CNNM2: variants seen among roughly 807,000 people sequenced by gnomAD.
CNNM2 encodes metal transporter CNNM2.
Under a neutral mutation model 66.9 loss-of-function variants are expected in CNNM2, and 12 were observed. The ratio of observed to expected loss-of-function variants is 0.18; its 90% CI spans 0.11 to 0.29. The LOEUF is 0.29. CNNM2 is among the 10% of genes least tolerant of loss of function. The pLI is 1.00. For synonymous variants in CNNM2, 557 were observed against 501.8 expected (o/e 1.11, Z -1.47); for missense variants, 705 against 1,167.7 (o/e 0.60, Z 5.77).
intron 1 of CNNM2, among the ~76,000 whole-genome samples, chr10:102,999,645 C>G (rs1845963935): frequency 6.6e-6 from 1 of 151,976 alleles, no homozygotes; most frequent in Admixed American, 6.6e-5. Context: ...ATCCAGGCTG[C>G]CCTTCCCCCC....
At chr10:103,000,619 C>T (rs2064101042) in intron 1 of CNNM2, among the ~76,000 whole-genome samples, 2 of 151,916 alleles carry the variant, frequency 1.3e-5, no homozygotes, top group Admixed American at 6.6e-5. Context: ...ACACCTGGCT[C>T]ATTTTTAGTA....
chr10:103,089,930 G>A lies in CNNM2; in HGVS notation c.*12750G>A, dbSNP rs545372260. The A allele has an allele frequency of 5.9e-5, 92 of 1,559,682 alleles. No individual in the cohort carries two copies. The highest frequency in any genetic ancestry group is 7.7e-5 in the Non-Finnish European group (89 of 1,151,946). ...GCATCTAGACAGAAAAAAGCTAGAG[G>A]CTCAGAAAGCAGGCAGAGCAAAGTA... On this transcript the variant is annotated 3_prime_UTR_variant, in exon 8 of 8. Transcript: ENST00000369878.
intron 1 of CNNM2, among the ~76,000 whole-genome samples, chr10:102,945,845 G>A (rs914995337): frequency 6.6e-6 from 1 of 151,818 alleles, no homozygotes; most frequent in African/African-American, 2.4e-5. Flanking sequence ...CTTCTCGCAG[G>A]ATGATGAGCT....
At chr10:102,967,970 T>C (rs2063490891) in intron 1 of CNNM2, among the ~76,000 whole-genome samples, 1 of 152,232 alleles carries the variant, frequency 6.6e-6, no homozygotes, top group Non-Finnish European at 1.5e-5. Context: ...ATTGTGTCAC[T>C]GTGCTCCAGC....
Position 103,054,614 on chromosome 10 carries a change from G to T in CNNM2, c.1903+148G>T, listed in dbSNP as rs1590470693. The T allele has an allele frequency of 2.7e-6, 2 of 739,662 alleles. No homozygotes were observed. Among genetic ancestry groups the T allele is most frequent in the Non-Finnish European group, 4.1e-6 (2 of 483,240 alleles). The allele number at this position is 739,662 out of a possible 1,614,324, so 45.8% of individuals were successfully genotyped here. On this transcript the variant is annotated intron_variant, in intron 3 of 7. Transcript: ENST00000369878. The surrounding 1 kb of genome is among the most constrained non-coding windows in gnomAD (Gnocchi z 5.2). ...TGTGTTTTGTTTTTTTTGTTTTTTT[G>T]TTTTGTTTTGTTTTTTTCTTTTTAA...
At chr10:102,937,786 C>CT (rs5787477) in intron 1 of CNNM2, among the ~76,000 whole-genome samples, 18 of 148,966 alleles carry the variant, frequency 1.2e-4, no homozygotes, top group African/African-American at 1.7e-4. Flanking sequence ...ATACAGAAAC[C>CT]TTTTTTTTTT....
At position 103,063,977 on chromosome 10, in the gene CNNM2, C is replaced by T. The variant is rs117519008; in HGVS notation, c.2074-4652C>T. ...TGAATGTTTTTTGGAACCACTAACA[C>T]GTAAATGAATAAGATACGTTTACTG... On this transcript the variant is annotated intron_variant, in intron 4 of 7. Coordinates refer to ENST00000369878, the MANE Select transcript of CNNM2 (RefSeq NM_017649.5). Among the ~76,000 whole-genome samples, 8 of 152,246 alleles carry T rather than the reference C, an allele frequency of 5.3e-5. No individual in the cohort carries two copies. The South Asian group carries it at 8.3e-4, about 16-fold the overall frequency.
intron 1 of CNNM2, among the ~76,000 whole-genome samples, chr10:102,988,233 C>T (rs1008863295): frequency 3.4e-4 from 52 of 152,082 alleles, no homozygotes; most frequent in Middle Eastern, 3.4e-3. Context: ...ACCTGGGAGG[C>T]GGAGGTTGCA....
chr10:102,975,866 G>A (rs1447661088), intron 1 of CNNM2, among the ~76,000 whole-genome samples: 1 of 152,100 alleles, frequency 6.6e-6, no homozygotes, highest in East Asian at 1.9e-4. Context: ...TCTGGAATTT[G>A]GCCCCAGCTT....
intron 1 of CNNM2, among the ~76,000 whole-genome samples, chr10:103,034,187 T>C (rs761196568): frequency 4.6e-5 from 7 of 152,026 alleles, no homozygotes; most frequent in Non-Finnish European, 1.0e-4. Context: ...CTATGTAATA[T>C]ATGTTTACTA....
chr10:103,020,682 T>C (rs542061008), intron 1 of CNNM2, among the ~76,000 whole-genome samples: 1 of 152,114 alleles, frequency 6.6e-6, no homozygotes, highest in African/African-American at 2.4e-5. Context: ...TTAAGACAGG[T>C]TGTGGTGTGG....
At chr10:103,048,561 T>C (rs978193219) in intron 1 of CNNM2, among the ~76,000 whole-genome samples, 4 of 143,034 alleles carry the variant, frequency 2.8e-5, no homozygotes, top group Non-Finnish European at 1.6e-5. Flanking sequence ...TCATTGGCAG[T>C]CCACACTGCC....
chr10:102,921,351 C>G (rs1458478580), intron 1 of CNNM2, among the ~76,000 whole-genome samples: 4 of 152,070 alleles, frequency 2.6e-5, no homozygotes, highest in Non-Finnish European at 5.9e-5. Context: ...GTGATATGTA[C>G]CTGGTGACAG....
chr10:103,020,761 A>C (rs979647569), intron 1 of CNNM2, among the ~76,000 whole-genome samples: 2 of 151,504 alleles, frequency 1.3e-5, no homozygotes, highest in Non-Finnish European at 2.9e-5. Context: ...TGACAGTAGA[A>C]TGAATGAAAG....
At chr10:102,976,748 G>A (rs1191635285) in intron 1 of CNNM2, among the ~76,000 whole-genome samples, 2 of 150,800 alleles carry the variant, frequency 1.3e-5, no homozygotes, top group Admixed American at 6.6e-5. Flanking sequence ...GATTACAGGC[G>A]TGAGCCACTG....
Position 102,918,837 on chromosome 10 carries a change from C to T in CNNM2, c.357C>T (p.Ala119=). ...ATAACGAGACGTGGTCCCGCATCGC[C>T]TTCACCGAGCACGAGCGGCGGCGCC... ...NINNETWSRI[A]FTEHERRRHS... The change falls in exon 1 of 8, where the codon GCC becomes GCT. Residue 119 remains alanine (A), a synonymous_variant. Coordinates refer to ENST00000369878, the MANE Select transcript of CNNM2 (RefSeq NM_017649.5). The surrounding 1 kb of genome is among the most constrained non-coding windows in gnomAD (Gnocchi z 4.1). The T allele has an allele frequency of 1.3e-6, 2 of 1,589,030 alleles. No individual in the cohort carries two copies. Among genetic ancestry groups the T allele is most frequent in the African/African-American group, 1.3e-5 (1 of 74,130 alleles).
chr10:102,960,073 A>G (rs1159909794), intron 1 of CNNM2, among the ~76,000 whole-genome samples: 1 of 151,944 alleles, frequency 6.6e-6, no homozygotes, highest in African/African-American at 2.4e-5. Flanking sequence ...AAATAAATAA[A>G]TAAATAAATA....
rs542649464 is a variant in CNNM2 at position 102,940,252 on chromosome 10, C to T, written c.1621+20151C>T. The stretch of plus-strand genomic sequence containing the variant: ...TACAGGTGTGAGCCACTGCGCCTGG[C>T]CTCCCCTCTGTATATTGTTATCAAA... On this transcript the variant is annotated intron_variant, in intron 1 of 7. Coordinates refer to ENST00000369878, the MANE Select transcript of CNNM2 (RefSeq NM_017649.5). Among the ~76,000 whole-genome samples, 111 of 149,464 alleles carry T rather than the reference C, an allele frequency of 7.4e-4. 1 individual carries two copies. Among genetic ancestry groups the T allele is most frequent in the African/African-American group, 2.7e-3 (108 of 40,590 alleles).
chr10:102,918,969 C>T lies in CNNM2; in HGVS notation c.489C>T (p.Ile163=). 1 of 1,612,614 alleles carries T rather than the reference C, an allele frequency of 6.2e-7. No individual in the cohort carries two copies. The highest frequency in any genetic ancestry group is 8.5e-7 in the Non-Finnish European group (1 of 1,179,490). The stretch of plus-strand genomic sequence containing the variant: ...CAGACATCATCATCTTGCCCCACAT[C>T]ATTCTCAACCGCCGCACCTCGGGCA... ...RTSDIIILPH[I]ILNRRTSGII... The change falls in exon 1 of 8, where the codon ATC becomes ATT. Residue 163 remains isoleucine, a synonymous_variant. Coordinates refer to ENST00000369878, the MANE Select transcript of CNNM2 (RefSeq NM_017649.5). This position sits in a 1 kb window ranked among gnomAD's most constrained non-coding sequence, Gnocchi z 4.1.
Sources: allele counts gnomAD v4.1 joint callset (sites outside exome capture counted in the v4.1 genomes callset), GRCh38; gene constraint gnomAD v4.1.1; non-coding constraint Gnocchi (gnomAD v3.1); transcripts MANE v1.5; gene names NCBI Gene and HGNC (gene_info 2026-07-23, HGNC 2026-07-21).